Variants in ENTREP2 observed in about 807,000 individuals in gnomAD.
ENTREP2 encodes the protein protein ENTREP2.
chr15:29,645,963 A>G, the ENTREP2 span, among the ~76,000 whole-genome samples: 1 of 152,200 alleles, frequency 6.6e-6, no homozygotes, highest in Non-Finnish European at 1.5e-5. Flanking sequence ...AGAGTGAAAT[A>G]TGTGAGGTTT....
chr15:29,401,278 C>T, the ENTREP2 span, among the ~76,000 whole-genome samples: 1 of 151,094 alleles, frequency 6.6e-6, no homozygotes. Context: ...AATACATAAA[C>T]AGACAAAAGG....
At chr15:29,214,497 T>C in the ENTREP2 span, among the ~76,000 whole-genome samples, 4 of 151,924 alleles carry the variant, frequency 2.6e-5, no homozygotes, top group Non-Finnish European at 5.9e-5. Flanking sequence ...ATGAGAACAC[T>C]TGGACACAGG....
the ENTREP2 span, among the ~76,000 whole-genome samples, chr15:29,507,866 T>C: frequency 6.6e-6 from 1 of 151,878 alleles, no homozygotes; most frequent in Non-Finnish European, 1.5e-5. Flanking sequence ...AGCAAATAAA[T>C]TCAAAAGCTA....
At chr15:29,472,474 T>C in the ENTREP2 span, among the ~76,000 whole-genome samples, 411 of 52,596 alleles carry the variant, frequency 7.8e-3, no homozygotes, top group African/African-American at 0.024. Flanking sequence ...CACACACACA[T>C]ATAAATTTGA....
the ENTREP2 span, among the ~76,000 whole-genome samples, chr15:29,287,664 G>C: frequency 6.6e-6 from 1 of 152,132 alleles, no homozygotes; most frequent in Non-Finnish European, 1.5e-5. Context: ...GACATGCTAC[G>C]GTAAAGATAT....
At chr15:29,296,683 C>T in the ENTREP2 span, among the ~76,000 whole-genome samples, 1 of 152,128 alleles carries the variant, frequency 6.6e-6, no homozygotes, top group Non-Finnish European at 1.5e-5. Flanking sequence ...GTTACAGTAA[C>T]AACTGGATTG....
chr15:29,194,586 G>A, the ENTREP2 span, among the ~76,000 whole-genome samples: 1 of 152,292 alleles, frequency 6.6e-6, no homozygotes, highest in African/African-American at 2.4e-5. Flanking sequence ...TGACTTCAGT[G>A]GCCTTTACTC....
chr15:29,474,694 A>G, the ENTREP2 span, among the ~76,000 whole-genome samples: 9 of 152,040 alleles, frequency 5.9e-5, no homozygotes, highest in Non-Finnish European at 1.2e-4. Context: ...AGCTGGGATT[A>G]TAGACATGTA....
At chr15:29,278,839 A>C in the ENTREP2 span, among the ~76,000 whole-genome samples, 3 of 152,218 alleles carry the variant, frequency 2.0e-5, no homozygotes, top group African/African-American at 7.2e-5. Context: ...GCCACAGCAG[A>C]ATACCACAGA....
chr15:29,245,346 T>A, the ENTREP2 span, among the ~76,000 whole-genome samples: 1 of 152,078 alleles, frequency 6.6e-6, no homozygotes, highest in African/African-American at 2.4e-5. Context: ...CATAAATATT[T>A]AAAAAATAAA....
chr15:29,372,267 C>A, the ENTREP2 span, among the ~76,000 whole-genome samples: 11 of 152,104 alleles, frequency 7.2e-5, no homozygotes, highest in African/African-American at 2.7e-4. Flanking sequence ...AGGACGAAGG[C>A]CTTTATGATG....
the ENTREP2 span, among the ~76,000 whole-genome samples, chr15:29,599,899 C>A: frequency 6.6e-6 from 1 of 152,354 alleles, no homozygotes; most frequent in African/African-American, 2.4e-5. Flanking sequence ...GGCAAAGCAC[C>A]AGCTCTCCAG....
chr15:29,512,654 G>A, the ENTREP2 span, among the ~76,000 whole-genome samples: 1 of 152,184 alleles, frequency 6.6e-6, no homozygotes, highest in Non-Finnish European at 1.5e-5. Flanking sequence ...GCAAGAAGGT[G>A]GCCATCTGCA....
At chr15:29,243,623 C>T in the ENTREP2 span, among the ~76,000 whole-genome samples, 5 of 151,946 alleles carry the variant, frequency 3.3e-5, no homozygotes, top group African/African-American at 7.3e-5. Context: ...CATTTCCTCC[C>T]GAGACCCCCG....
the ENTREP2 span, among the ~76,000 whole-genome samples, chr15:29,583,104 C>A: frequency 4.6e-5 from 7 of 152,010 alleles, no homozygotes; most frequent in Admixed American, 3.3e-4. Context: ...GCAAAAAGAC[C>A]AGGTGACTTA....
chr15:29,222,456 G>A, the ENTREP2 span, among the ~76,000 whole-genome samples: 2 of 152,018 alleles, frequency 1.3e-5, no homozygotes, highest in Non-Finnish European at 2.9e-5. Flanking sequence ...TACTCTATGG[G>A]CTCGCCTCTA....
At chr15:29,548,915 G>A in the ENTREP2 span, among the ~76,000 whole-genome samples, 1 of 152,198 alleles carries the variant, frequency 6.6e-6, no homozygotes, top group African/African-American at 2.4e-5. Context: ...GGAGGTGCTT[G>A]TGTAATGAAC....
the ENTREP2 span, among the ~76,000 whole-genome samples, chr15:29,384,220 C>A: frequency 2.6e-5 from 4 of 152,182 alleles, no homozygotes; most frequent in African/African-American, 9.7e-5. Flanking sequence ...ACATTTCAGA[C>A]CCTGACTTCA....
the ENTREP2 span, among the ~76,000 whole-genome samples, chr15:29,526,881 C>T: frequency 1.3e-5 from 2 of 152,080 alleles, no homozygotes. Context: ...CCATCACTCC[C>T]ATCTGGCCTC....
Sources: allele counts gnomAD v4.1 joint callset (sites outside exome capture counted in the v4.1 genomes callset), GRCh38; gene constraint gnomAD v4.1.1; transcripts MANE v1.5; gene names NCBI Gene and HGNC (gene_info 2026-07-23, HGNC 2026-07-21).